The following ANKS1B variants were observed in gnomAD, a reference collection of about 807,000 sequenced individuals.
The protein encoded by ANKS1B is ankyrin repeat and sterile alpha motif domain containing 1B, also known as ankyrin repeat and sterile alpha motif domain-containing protein 1B.
Under a neutral mutation model 148.3 loss-of-function variants are expected in ANKS1B, and 36 were observed. That is an observed-to-expected ratio of 0.24 (90% CI 0.19 to 0.32). The LOEUF (loss-of-function observed/expected upper bound fraction) is 0.32, where lower values mean the gene tolerates loss of function less well. Among genes scored for constraint, ANKS1B ranks in the 10% least tolerant of loss-of-function variants. The pLI is 1.00. For synonymous variants in ANKS1B, 542 were observed against 560.8 expected (o/e 0.97, Z 0.47); for missense variants, 1,157 against 1,542.6 (o/e 0.75, Z 4.19).
At chr12:98,870,695 T>C (rs2099658736) in intron 17 of ANKS1B, among the ~76,000 whole-genome samples, 2 of 152,234 alleles carry the variant, frequency 1.3e-5, no homozygotes, top group Non-Finnish European at 2.9e-5. Context: ...GTACAACAAA[T>C]GCAAACACTT....
chr12:99,461,635 T>A (rs543747874), intron 10 of ANKS1B, among the ~76,000 whole-genome samples: 1 of 152,184 alleles, frequency 6.6e-6, no homozygotes, highest in Admixed American at 6.5e-5. Flanking sequence ...TTCTTTTTAC[T>A]CTCTTTTATT....
chr12:99,280,188 G>A lies in ANKS1B; in HGVS notation c.1757-33324C>T, dbSNP rs534357775. Among the ~76,000 whole-genome samples the A allele has an allele frequency of 2.9e-4, 44 of 150,524 alleles. 1 individual carries two copies. Among genetic ancestry groups the A allele is most frequent in the South Asian group, 2.1e-4 (1 of 4,808 alleles). ...TGTGTGTGTATGTGTGTGTGTGTAC[G>A]TGCATGTGTGTGTGTGAGAGAGAGA... On this transcript the variant is annotated intron_variant, in intron 12 of 26. Transcript: ENST00000683438.
At chr12:98,929,069 C>T (rs888059404) in intron 17 of ANKS1B, among the ~76,000 whole-genome samples, 34 of 151,596 alleles carry the variant, frequency 2.2e-4, no homozygotes, top group Non-Finnish European at 4.1e-4. Context: ...CACACACACA[C>T]ACAAGTTCAG....
chr12:99,368,364 C>T (rs1281354145), intron 12 of ANKS1B, among the ~76,000 whole-genome samples: 2 of 151,246 alleles, frequency 1.3e-5, no homozygotes, highest in African/African-American at 2.4e-5. Context: ...CACATGTACC[C>T]CATGAATCTA....
chr12:99,623,994 A>G (rs12809409), intron 9 of ANKS1B, among the ~76,000 whole-genome samples: 63,425 of 151,876 alleles, frequency 0.42, 14,048 homozygotes, highest in Admixed American at 0.5. Context: ...CTTATTACCC[A>G]ACGTTGAACT....
intron 12 of ANKS1B, among the ~76,000 whole-genome samples, chr12:99,288,319 A>G (rs545986218): frequency 6.6e-6 from 1 of 152,332 alleles, no homozygotes; most frequent in South Asian, 2.1e-4. Context: ...AGGTGAAAAT[A>G]TCCTTCAAAC....
At chr12:98,880,911 T>A (rs954611285) in intron 17 of ANKS1B, among the ~76,000 whole-genome samples, 3 of 152,130 alleles carry the variant, frequency 2.0e-5, no homozygotes, top group Admixed American at 6.5e-5. Context: ...AAGACCCTAA[T>A]GAAATCTTGC....
At chr12:99,506,123 T>C (rs2096709658) in intron 9 of ANKS1B, among the ~76,000 whole-genome samples, 1 of 152,094 alleles carries the variant, frequency 6.6e-6, no homozygotes, top group Non-Finnish European at 1.5e-5. Flanking sequence ...CTACTGAACA[T>C]ACACTGCTTT....
intron 2 of ANKS1B, among the ~76,000 whole-genome samples, chr12:99,816,481 A>C (rs2069168902): frequency 6.6e-6 from 1 of 151,526 alleles, no homozygotes; most frequent in Non-Finnish European, 1.5e-5. Flanking sequence ...TTTTTGGTTT[A>C]ATTAGGTCCC....
rs1193821546 is a variant in ANKS1B, at chr12:99,504,501, A to G, written c.1413T>C (p.Ile471=). The change falls in exon 10 of 27, where the codon ATT becomes ATC. Residue 471 remains isoleucine, a synonymous_variant. Transcript: ENST00000683438. The part of the protein sequence containing the change: ...AVTKKPCSLE[I]ARAPSPRTDN... ...CAGTTCTTGGGGAAGGTGCCCTTGC[A>G]ATTTCTAAGGAGCAAGGTTTCTTTG... The G allele has an allele frequency of 1.2e-6, 2 of 1,612,230 alleles. No individual in the cohort carries two copies. The highest frequency in any genetic ancestry group is 2.2e-5 in the East Asian group (1 of 44,824).
intron 14 of ANKS1B, among the ~76,000 whole-genome samples, chr12:99,161,039 T>C (rs1384294605): frequency 6.6e-6 from 1 of 152,220 alleles, no homozygotes; most frequent in Non-Finnish European, 1.5e-5. Flanking sequence ...TGGTTCAACA[T>C]GAATTTTAGA....
chr12:99,211,342 T>C (rs2083319289), intron 14 of ANKS1B, among the ~76,000 whole-genome samples: 1 of 152,172 alleles, frequency 6.6e-6, no homozygotes, highest in South Asian at 2.1e-4. Flanking sequence ...TGAGAGATAA[T>C]GGCCAAATCC....
intron 24 of ANKS1B, among the ~76,000 whole-genome samples, chr12:98,778,172 GA>G (rs1279801701): frequency 1.3e-5 from 2 of 152,194 alleles, no homozygotes; most frequent in African/African-American, 4.8e-5. Flanking sequence ...AAAGTACGAT[GA>G]AAACATAAAA....
chr12:99,773,158 T>C (rs1344977930), intron 7 of ANKS1B, 70 bp from the exon 8 acceptor site: 2 of 1,261,736 alleles, frequency 1.6e-6, no homozygotes, highest in Non-Finnish European at 2.2e-6. Context: ...GCAATAAAAA[T>C]ATGACTGCTA....
At chr12:99,586,666 G>A (rs991630433) in intron 9 of ANKS1B, among the ~76,000 whole-genome samples, 2 of 152,078 alleles carry the variant, frequency 1.3e-5, no homozygotes, top group African/African-American at 4.8e-5. Context: ...AGGCATACTC[G>A]AGGCTGGGTA....
intron 9 of ANKS1B, among the ~76,000 whole-genome samples, chr12:99,608,346 T>C (rs2153330597): frequency 6.6e-6 from 1 of 152,180 alleles, no homozygotes; most frequent in Non-Finnish European, 1.5e-5. Context: ...CCAATGATTT[T>C]CCCATTCTGT....
intron 9 of ANKS1B, among the ~76,000 whole-genome samples, chr12:99,557,331 T>C (rs770181959): frequency 6.6e-6 from 1 of 152,212 alleles, no homozygotes; most frequent in Non-Finnish European, 1.5e-5. Flanking sequence ...TGGTCTCCCA[T>C]ATTTCTTGAA....
At chr12:98,826,628 G>A (rs1016774071) in intron 19 of ANKS1B, among the ~76,000 whole-genome samples, 1 of 152,142 alleles carries the variant, frequency 6.6e-6, no homozygotes, top group Non-Finnish European at 1.5e-5. Context: ...TCTCTCAACT[G>A]CATTCTCATT....
chr12:99,459,951 C>T (rs554994042), intron 10 of ANKS1B, among the ~76,000 whole-genome samples: 11 of 152,166 alleles, frequency 7.2e-5, no homozygotes, highest in African/African-American at 2.6e-4. Flanking sequence ...ATAACCAAAA[C>T]AAGACTAAGC....
Sources: gnomAD v4.1 joint callset for allele counts (sites outside exome capture counted in the v4.1 genomes callset) on GRCh38, gnomAD v4.1.1 for gene constraint, MANE v1.5 for transcripts, NCBI Gene and HGNC (gene_info 2026-07-23, HGNC 2026-07-21) for gene names.